CDYL2: variants seen among roughly 807,000 people sequenced by gnomAD.
The protein encoded by CDYL2 is chromodomain Y like 2, also known as chromodomain Y-like protein 2.
CDYL2 carries 23 observed loss-of-function variants against 49.4 expected under a neutral mutation model. The observed-to-expected ratio is 0.47, with a 90% CI of 0.34 to 0.66. The LOEUF (loss-of-function observed/expected upper bound fraction) is 0.66. CDYL2 is among the 30% of genes least tolerant of loss of function. The probability of loss-of-function intolerance (pLI) is 0.01; values close to 1 mark genes in which losing one functional copy is unlikely to be tolerated. For synonymous variants in CDYL2, 360 were observed against 268.8 expected, an observed-to-expected ratio of 1.34 and a Z score of -3.32; for missense variants, 678 against 656.4, an observed-to-expected ratio of 1.03 and a Z score of -0.36.
At position 80,787,328 on chromosome 16, in the gene CDYL2, G is replaced by A. The variant is rs144374158; in HGVS notation, c.24+16822C>T. On this transcript the variant is annotated intron_variant, in intron 1 of 6. Coordinates refer to ENST00000570137, the MANE Select transcript of CDYL2 (RefSeq NM_152342.4). ...GGTAGAAACTACACAAGAAGACTTTGGTTCAATTTATACTACAGCACTTCC... is the reference window on the plus strand; with the variant it reads ...GGTAGAAACTACACAAGAAGACTTTAGTTCAATTTATACTACAGCACTTCC... Among the ~76,000 whole-genome samples the A allele has an allele frequency of 2.6e-5, 4 of 152,238 alleles. No individual in the cohort carries two copies. In the South Asian group the frequency reaches 8.3e-4, roughly 32 times the overall value.
chr16:80,779,411 C>G (rs1907192791), intron 1 of CDYL2, among the ~76,000 whole-genome samples: 2 of 151,978 alleles, frequency 1.3e-5, no homozygotes, highest in Admixed American at 1.3e-4. Flanking sequence ...TTATTGCTAG[C>G]AATATCCTTC....
chr16:80,661,643 C>G (rs1567560262), intron 2 of CDYL2, among the ~76,000 whole-genome samples: 1 of 152,178 alleles, frequency 6.6e-6, no homozygotes, highest in Non-Finnish European at 1.5e-5. Flanking sequence ...TGGTCTCAGG[C>G]CCTCTTCATG....
chr16:80,699,434 T>A (rs779640645), intron 1 of CDYL2, among the ~76,000 whole-genome samples: 9 of 152,196 alleles, frequency 5.9e-5, no homozygotes, highest in Non-Finnish European at 1.3e-4. Context: ...ATACCACTAG[T>A]ACTCACTCAT....
At chr16:80,626,439 G>A in intron 3 of CDYL2, among the ~76,000 whole-genome samples, 1 of 152,100 alleles carries the variant, frequency 6.6e-6, no homozygotes, top group East Asian at 1.9e-4. Context: ...ATGAGAGGAG[G>A]AATGACTAGG....
chr16:80,762,865 ATG>A (rs1906579879), intron 1 of CDYL2, among the ~76,000 whole-genome samples: 1 of 152,164 alleles, frequency 6.6e-6, no homozygotes, highest in Non-Finnish European at 1.5e-5. Flanking sequence ...TAAGGACAGA[ATG>A]TGTGTGTTAC....
intron 2 of CDYL2, among the ~76,000 whole-genome samples, chr16:80,648,681 A>G (rs970213035): frequency 6.6e-6 from 1 of 151,846 alleles, no homozygotes; most frequent in Non-Finnish European, 1.5e-5. Context: ...AAAATCAGAA[A>G]GAAAAAAAAT....
intron 1 of CDYL2, among the ~76,000 whole-genome samples, chr16:80,755,000 C>G (rs1906261431): frequency 6.6e-6 from 1 of 152,140 alleles, no homozygotes; most frequent in Non-Finnish European, 1.5e-5. Flanking sequence ...AAAGCCTGCC[C>G]TTCAGCTGAA....
At chr16:80,643,202 C>T (rs1000848598) in intron 2 of CDYL2, among the ~76,000 whole-genome samples, 2 of 152,166 alleles carry the variant, frequency 1.3e-5, no homozygotes, top group Non-Finnish European at 2.9e-5. Context: ...TCCAGCAGGG[C>T]AGTCAAATTT....
chr16:80,751,210 C>G (rs1365989566), intron 1 of CDYL2, among the ~76,000 whole-genome samples: 6 of 152,146 alleles, frequency 3.9e-5, no homozygotes, highest in African/African-American at 7.2e-5. Flanking sequence ...CAAAACTGAG[C>G]AACTTTTAGG....
chr16:80,682,476 G>T (rs115399526), intron 2 of CDYL2, among the ~76,000 whole-genome samples: 1 of 152,164 alleles, frequency 6.6e-6, no homozygotes, highest in African/African-American at 2.4e-5. Flanking sequence ...CACAGAGCTC[G>T]CAGCTCTGCC....
intron 2 of CDYL2, among the ~76,000 whole-genome samples, chr16:80,648,998 T>A (rs955313358): frequency 6.6e-6 from 1 of 152,066 alleles, no homozygotes; most frequent in Non-Finnish European, 1.5e-5. Flanking sequence ...TACCTCAACA[T>A]AACAAAAGCT....
rs775580144 is a variant in CDYL2, at chr16:80,612,794, C to A, written c.1050G>T (p.Val350=). Residue 350 remains valine, a synonymous_variant, in exon 5 of 7, where the codon GTG becomes GTT. Coordinates refer to ENST00000570137, the MANE Select transcript of CDYL2 (RefSeq NM_152342.4). This position sits in a 1 kb window ranked among gnomAD's most constrained non-coding sequence, Gnocchi z 5.0. ...KAFIQFKKPI[V]VAINGPALGL... ...CCAGGGCCGGCCCATTGATGGCCACCACGATAGGCTTCTTAAACTGGATAA... is the reference window on the plus strand; with the variant it reads ...CCAGGGCCGGCCCATTGATGGCCACAACGATAGGCTTCTTAAACTGGATAA... The A allele has an allele frequency of 4.5e-5, 73 of 1,613,742 alleles. No homozygotes were observed. In the South Asian group the frequency reaches 7.5e-4, roughly 17 times the overall value.
At chr16:80,688,936 G>T (rs377471959) in intron 1 of CDYL2, among the ~76,000 whole-genome samples, 65 of 152,232 alleles carry the variant, frequency 4.3e-4, no homozygotes, top group African/African-American at 1.4e-3. Context: ...ACAGAGAGCT[G>T]GTACCCCTGG....
intron 1 of CDYL2, among the ~76,000 whole-genome samples, chr16:80,802,064 T>C (rs953498334): frequency 6.6e-6 from 1 of 152,184 alleles, no homozygotes; most frequent in South Asian, 2.1e-4. Flanking sequence ...ATAAAAACTC[T>C]TGAGATACTA....
intron 1 of CDYL2, among the ~76,000 whole-genome samples, chr16:80,773,232 A>T (rs1450532386): frequency 6.6e-6 from 1 of 152,184 alleles, no homozygotes; most frequent in African/African-American, 2.4e-5. Context: ...TGGCAAAAGG[A>T]TCAATTTCCT....
At chr16:80,616,762 T>C (rs16953658) in intron 4 of CDYL2, among the ~76,000 whole-genome samples, 10,997 of 152,264 alleles carry the variant, frequency 0.072, 1,313 homozygotes, top group African/African-American at 0.25. Flanking sequence ...ACAACAACCA[T>C]AATAAGAACT....
In CDYL2 at chr16:80,700,053, G is replaced by T. The variant is rs375050020; in HGVS notation, c.25-14924C>A. ...TGGCTGATTTTTTAGTAGAGACGGG[G>T]TTTCACCATGTTAGCCAGGATGGTC... On this transcript the variant is annotated intron_variant, in intron 1 of 6. Transcript: ENST00000570137. 1.2e-4 allele frequency among the ~76,000 whole-genome samples: 19 copies of T among 152,156 alleles called. No homozygotes were observed. In the East Asian group the frequency reaches 3.5e-3, roughly 28 times the overall value.
At chr16:80,706,700 T>G (rs1049145227) in intron 1 of CDYL2, among the ~76,000 whole-genome samples, 2 of 151,994 alleles carry the variant, frequency 1.3e-5, no homozygotes, top group Non-Finnish European at 2.9e-5. Context: ...CCAAGAAGAA[T>G]GAGATTGAGT....
At chr16:80,755,628 T>C (rs1288764834) in intron 1 of CDYL2, among the ~76,000 whole-genome samples, 3 of 152,152 alleles carry the variant, frequency 2.0e-5, no homozygotes, top group Admixed American at 2.0e-4. Flanking sequence ...CAGAAACTTA[T>C]CCTAAGTACC....
Sources: allele counts gnomAD v4.1 joint callset (sites outside exome capture counted in the v4.1 genomes callset), GRCh38; gene constraint gnomAD v4.1.1; non-coding constraint Gnocchi (gnomAD v3.1); transcripts MANE v1.5; gene names NCBI Gene and HGNC (gene_info 2026-07-23, HGNC 2026-07-21).